The following BRINP2 variants were observed in gnomAD, a reference collection of about 807,000 sequenced individuals.
The protein encoded by BRINP2 is BMP/retinoic acid-inducible neural-specific protein 2.
A neutral mutation model predicts 69.2 loss-of-function variants in BRINP2; 21 were observed. The observed-to-expected ratio is 0.30, with a 90% CI of 0.22 to 0.44. BRINP2 has a LOEUF of 0.44. Among genes scored for constraint, BRINP2 ranks in the 20% least tolerant of loss-of-function variants. The pLI is 1.00. For missense variants in BRINP2, 877 were observed against 986.0 expected (o/e 0.89, Z 1.48); for synonymous variants, 380 against 394.1 (o/e 0.96, Z 0.42).
intron 2 of BRINP2, 145 bp downstream of exon 2, chr1:177,230,290 G>A (rs12734367): frequency 0.21 from 179,808 of 861,724 alleles, 21,291 homozygotes; most frequent in Non-Finnish European, 0.24. Context: ...CACCAGGCAG[G>A]GAAAATAAGC....
intron 5 of BRINP2, among the ~76,000 whole-genome samples, chr1:177,275,990 A>C (rs532512901): frequency 2.0e-5 from 3 of 152,182 alleles, no homozygotes; most frequent in Admixed American, 6.5e-5. Context: ...TCCCATCTGC[A>C]TTTTCAGATC....
At chr1:177,258,676 G>A (rs1349115694) in intron 4 of BRINP2, among the ~76,000 whole-genome samples, 5 of 152,156 alleles carry the variant, frequency 3.3e-5, no homozygotes, top group African/African-American at 4.8e-5. Context: ...TGCTTACTTC[G>A]TATCTCTGAT....
intron 1 of BRINP2, among the ~76,000 whole-genome samples, chr1:177,191,282 A>C (rs781403897): frequency 2.6e-5 from 4 of 152,166 alleles, no homozygotes; most frequent in Admixed American, 1.3e-4. Flanking sequence ...CAAGCTCTGT[A>C]ATCCAGTGCT....
chr1:177,266,325 C>A (rs529625908), intron 4 of BRINP2, among the ~76,000 whole-genome samples: 2 of 152,068 alleles, frequency 1.3e-5, no homozygotes, highest in East Asian at 1.9e-4. Context: ...TATTGTATAA[C>A]CCAATCATAC....
chr1:177,258,896 C>T (rs369858844), intron 4 of BRINP2, among the ~76,000 whole-genome samples: 18 of 152,124 alleles, frequency 1.2e-4, no homozygotes, highest in African/African-American at 3.9e-4. Context: ...CTCAGGCCTC[C>T]CTATTCCCTG....
chr1:177,261,391 T>C (rs1339953369), intron 4 of BRINP2, among the ~76,000 whole-genome samples: 2 of 152,176 alleles, frequency 1.3e-5, no homozygotes, highest in Non-Finnish European at 2.9e-5. Context: ...TATATTTTGA[T>C]GATAGAGCCT....
At chr1:177,231,212 C>T (rs978081912) in intron 2 of BRINP2, among the ~76,000 whole-genome samples, 4 of 152,084 alleles carry the variant, frequency 2.6e-5, no homozygotes, top group Admixed American at 6.5e-5. Flanking sequence ...CAGTTGTTTT[C>T]CCCATTTTAC....
intron 2 of BRINP2, among the ~76,000 whole-genome samples, chr1:177,244,885 C>G (rs1161490811): frequency 1.3e-5 from 2 of 152,116 alleles, no homozygotes; most frequent in African/African-American, 4.8e-5. Flanking sequence ...CCCAAATCAG[C>G]ACACAGTCCC....
chr1:177,273,469 C>A lies in BRINP2; in HGVS notation c.670-19C>A. 6.4e-7 allele frequency: 1 copy of A among 1,569,312 alleles called. No individual in the cohort carries two copies. The highest frequency in any genetic ancestry group is 8.7e-7 in the Non-Finnish European group (1 of 1,149,132). On this transcript the variant is annotated intron_variant, in intron 4 of 7. Transcript: ENST00000361539. ...TCCACTTGTTATCTAAACCCACTCC[C>A]TACTCCTTCCTTCTCTAGGTCACCG...
chr1:177,267,824 G>A (rs979241453), intron 4 of BRINP2, among the ~76,000 whole-genome samples: 5 of 152,146 alleles, frequency 3.3e-5, no homozygotes, highest in Admixed American at 1.3e-4. Flanking sequence ...TCCAGAATTA[G>A]AGCCACTGCC....
intron 2 of BRINP2, among the ~76,000 whole-genome samples, chr1:177,233,047 C>G (rs775327813): frequency 6.6e-6 from 1 of 152,166 alleles, no homozygotes; most frequent in Non-Finnish European, 1.5e-5. Flanking sequence ...ACCTGTTGAA[C>G]AGATCAAAAC....
intron 2 of BRINP2, 88 bp downstream of exon 2, chr1:177,230,233 C>T: frequency 7.0e-7 from 1 of 1,431,848 alleles, no homozygotes; most frequent in Non-Finnish European, 9.4e-7. Context: ...AACCCCTAAA[C>T]AGGCTGGAAT....
chr1:177,236,339 C>T (rs1034753999), intron 2 of BRINP2, among the ~76,000 whole-genome samples: 8 of 152,172 alleles, frequency 5.3e-5, no homozygotes, highest in African/African-American at 1.9e-4. Context: ...AAACATCATA[C>T]CACATCAGTG....
chr1:177,279,915 A>G (rs1197449814), intron 7 of BRINP2, among the ~76,000 whole-genome samples: 1 of 152,214 alleles, frequency 6.6e-6, no homozygotes, highest in Admixed American at 6.5e-5. Flanking sequence ...TGAAGAGGTA[A>G]CATAAGAGCT....
chr1:177,277,433 C>T (rs959590621), intron 6 of BRINP2, among the ~76,000 whole-genome samples: 2 of 151,552 alleles, frequency 1.3e-5, no homozygotes, highest in African/African-American at 4.9e-5. Flanking sequence ...AATCTGAAGC[C>T]AATATGGCAA....
chr1:177,173,927 C>T (rs1298372362), intron 1 of BRINP2, among the ~76,000 whole-genome samples: 4 of 152,158 alleles, frequency 2.6e-5, no homozygotes, highest in African/African-American at 7.2e-5. Flanking sequence ...TTTTGTTTTC[C>T]CCACTGCGCA....
chr1:177,210,438 A>G (rs1262740286), intron 1 of BRINP2, among the ~76,000 whole-genome samples: 1 of 152,086 alleles, frequency 6.6e-6, no homozygotes, highest in Admixed American at 6.5e-5. Flanking sequence ...ACTGCTCTTC[A>G]TAAAGTTACA....
chr1:177,240,063 G>A (rs1045618995), intron 2 of BRINP2, among the ~76,000 whole-genome samples: 1 of 152,184 alleles, frequency 6.6e-6, no homozygotes, highest in African/African-American at 2.4e-5. Flanking sequence ...AAACGAGGTA[G>A]CCAGAACCAC....
chr1:177,189,247 A>C (rs1358896935), intron 1 of BRINP2, among the ~76,000 whole-genome samples: 4 of 152,200 alleles, frequency 2.6e-5, no homozygotes, highest in African/African-American at 9.6e-5. Flanking sequence ...TGAAAAAAAA[A>C]AGGTACTTTG....
Sources: allele counts gnomAD v4.1 joint callset (sites outside exome capture counted in the v4.1 genomes callset), GRCh38; gene constraint gnomAD v4.1.1; transcripts MANE v1.5; gene names NCBI Gene and HGNC (gene_info 2026-07-23, HGNC 2026-07-21).